CRISPLD2: variants seen among roughly 807,000 people sequenced by gnomAD.
The protein encoded by CRISPLD2 is cysteine-rich secretory protein LCCL domain-containing 2.
Under a neutral mutation model 71.1 loss-of-function variants are expected in CRISPLD2, and 47 were observed. The ratio of observed to expected loss-of-function variants is 0.66; its 90% confidence interval spans 0.52 to 0.84. The LOEUF is 0.84. Ranked by LOEUF, CRISPLD2 falls within the 40% of genes least tolerant of loss-of-function variation. The pLI, the probability that CRISPLD2 is intolerant of heterozygous loss-of-function variation, is 0.00. For missense variants in CRISPLD2, 830 were observed against 651.1 expected (o/e 1.27, Z -2.99); for synonymous variants, 317 against 250.1 (o/e 1.27, Z -2.52).
intron 6 of CRISPLD2, among the ~76,000 whole-genome samples, chr16:84,857,370 C>T (rs1917269857): frequency 1.3e-5 from 2 of 152,344 alleles, no homozygotes; most frequent in South Asian, 4.1e-4. Context: ...ACATGGGATA[C>T]AAACATCTTC....
chr16:84,857,992 T>C (rs891927930), intron 6 of CRISPLD2, among the ~76,000 whole-genome samples: 2 of 152,198 alleles, frequency 1.3e-5, no homozygotes, highest in Non-Finnish European at 2.9e-5. Context: ...GGTGACTTGA[T>C]GACCCATAGT....
At chr16:84,898,930 C>A (rs2071729744) in intron 14 of CRISPLD2, among the ~76,000 whole-genome samples, 1 of 152,264 alleles carries the variant, frequency 6.6e-6, no homozygotes, top group South Asian at 2.1e-4. Context: ...CCGTTGTACT[C>A]CTGGGCTCAC....
Position 84,854,849 on chromosome 16 carries a change from C to T in CRISPLD2, c.709+20C>T, listed in dbSNP as rs1917192834. ...ACCGAGGTAGGAAATTTACTCCCAA[C>T]ACTTTTGCAATGAATTTGCCCTCAG... On this transcript the variant is annotated intron_variant, in intron 6 of 14. Coordinates refer to ENST00000262424, the MANE Select transcript of CRISPLD2 (RefSeq NM_031476.4). 2 of 1,580,924 alleles carry T rather than the reference C, an allele frequency of 1.3e-6. No homozygotes were observed. The highest frequency in any genetic ancestry group is 8.7e-7 in the Non-Finnish European group (1 of 1,149,852).
chr16:84,884,361 G>A (rs35282767), intron 13 of CRISPLD2, among the ~76,000 whole-genome samples: 32,212 of 152,038 alleles, frequency 0.21, 3,481 homozygotes, highest in Admixed American at 0.27. Flanking sequence ...TGGGATCACT[G>A]TGTCAATGCA....
intron 2 of CRISPLD2, among the ~76,000 whole-genome samples, chr16:84,843,666 G>A (rs1488180570): frequency 1.3e-5 from 2 of 149,702 alleles, no homozygotes; most frequent in Non-Finnish European, 1.5e-5. Context: ...TGTGAATGAT[G>A]CTGTTATCAT....
chr16:84,840,749 C>T (rs1283721354), intron 2 of CRISPLD2, among the ~76,000 whole-genome samples: 1 of 152,078 alleles, frequency 6.6e-6, no homozygotes, highest in Non-Finnish European at 1.5e-5. Context: ...ACCATGTTGG[C>T]CAGGCTGGTC....
intron 12 of CRISPLD2, among the ~76,000 whole-genome samples, chr16:84,878,843 C>T (rs1322282477): frequency 6.6e-6 from 1 of 152,230 alleles, no homozygotes; most frequent in Admixed American, 6.5e-5. Flanking sequence ...CTAAGCTGCC[C>T]TTCAAACAGA....
intron 6 of CRISPLD2, among the ~76,000 whole-genome samples, chr16:84,866,238 G>GTTTTTTTT (rs149109786): frequency 6.7e-6 from 1 of 148,302 alleles, no homozygotes; most frequent in Admixed American, 6.8e-5. Flanking sequence ...TTTGTTTTTT[G>GTTTTTTTT]GTTTTTTTTT....
intron 4 of CRISPLD2, among the ~76,000 whole-genome samples, chr16:84,849,872 G>C (rs966271990): frequency 2.5e-4 from 37 of 146,978 alleles, no homozygotes; most frequent in South Asian, 1.6e-3. Flanking sequence ...TGTGCACTAC[G>C]AGGCCTGGCT....
intron 6 of CRISPLD2, among the ~76,000 whole-genome samples, chr16:84,862,192 C>T (rs184871297): frequency 0.01 from 1,559 of 152,046 alleles, 6 homozygotes; most frequent in Middle Eastern, 0.027. Context: ...TGGGGCGGTG[C>T]GATTTTCTAC....
intron 8 of CRISPLD2, among the ~76,000 whole-genome samples, chr16:84,869,355 C>T (rs573967839): frequency 9.8e-5 from 15 of 152,332 alleles, no homozygotes; most frequent in African/African-American, 3.1e-4. Context: ...AATGGGAAAA[C>T]CATGTCATTG....
intron 13 of CRISPLD2, among the ~76,000 whole-genome samples, chr16:84,885,855 G>T (rs1263028027): frequency 2.7e-5 from 3 of 110,870 alleles, no homozygotes; most frequent in East Asian, 2.8e-4. Flanking sequence ...CTGGAGCTCT[G>T]TCACACAGGC....
At chr16:84,849,721 C>CT (rs10627256) in intron 4 of CRISPLD2, among the ~76,000 whole-genome samples, 9 of 151,150 alleles carry the variant, frequency 6.0e-5, no homozygotes, top group Non-Finnish European at 8.9e-5. Context: ...ACTACAAACT[C>CT]TTTTTTTTCT....
At chr16:84,844,841 G>C (rs1916869009) in intron 2 of CRISPLD2, among the ~76,000 whole-genome samples, 1 of 152,132 alleles carries the variant, frequency 6.6e-6, no homozygotes, top group Non-Finnish European at 1.5e-5. Flanking sequence ...CCTGACTGCA[G>C]CCAGGCCCTG....
chr16:84,901,576 A>T (rs1267572183), intron 14 of CRISPLD2, among the ~76,000 whole-genome samples: 2 of 146,430 alleles, frequency 1.4e-5, no homozygotes, highest in African/African-American at 2.6e-5. Flanking sequence ...GATTCAAATT[A>T]TTCTCCTGCC....
At chr16:84,861,538 T>C (rs1917381424) in intron 6 of CRISPLD2, among the ~76,000 whole-genome samples, 1 of 152,180 alleles carries the variant, frequency 6.6e-6, no homozygotes, top group Non-Finnish European at 1.5e-5. Flanking sequence ...CACATTTTTC[T>C]TCCTGCTTTA....
intron 3 of CRISPLD2, among the ~76,000 whole-genome samples, chr16:84,847,384 G>A (rs1916942690): frequency 6.6e-6 from 1 of 152,194 alleles, no homozygotes; most frequent in Admixed American, 6.5e-5. Flanking sequence ...GGGCAAGGTG[G>A]CTCATGCCTG....
rs188459351 is a variant in CRISPLD2, at chr16:84,862,256, G to C, written c.710-4641G>C. ...CTCCCTTTGTTGCCCAGGCTGGAGT[G>C]CAGTGGCGTAATCTTGGCTCACTGC... is the stretch of plus-strand genomic sequence containing the variant. On this transcript the variant is annotated intron_variant, in intron 6 of 14. Coordinates refer to ENST00000262424, the MANE Select transcript of CRISPLD2 (RefSeq NM_031476.4). 5.5e-3 allele frequency among the ~76,000 whole-genome samples: 844 copies of C among 152,096 alleles called. 6 individuals carry two copies. Among genetic ancestry groups the C allele is most frequent in the African/African-American group, 0.019 (795 of 41,504 alleles).
intron 6 of CRISPLD2, among the ~76,000 whole-genome samples, chr16:84,864,817 A>G (rs769747437): frequency 9.9e-5 from 15 of 152,204 alleles, no homozygotes; most frequent in Non-Finnish European, 1.9e-4. Context: ...GTTGCGAGCA[A>G]GCTGCTGGGG....
Sources: allele counts gnomAD v4.1 joint callset (sites outside exome capture counted in the v4.1 genomes callset), GRCh38; gene constraint gnomAD v4.1.1; transcripts MANE v1.5; gene names NCBI Gene and HGNC (gene_info 2026-07-23, HGNC 2026-07-21).